Variants in ADAMTS9 observed in about 807,000 individuals in gnomAD.
The protein encoded by ADAMTS9 is ADAM metallopeptidase with thrombospondin type 1 motif 9.
Under a neutral mutation model 257.1 loss-of-function variants are expected in ADAMTS9, and 107 were observed. The observed-to-expected ratio is 0.42, with a 90% confidence interval of 0.36 to 0.49. The LOEUF (loss-of-function observed/expected upper bound fraction) is 0.49, where lower values mean the gene tolerates loss of function less well. ADAMTS9 is among the 20% of genes least tolerant of loss of function. The pLI is 0.03. For missense variants in ADAMTS9, 2,353 were observed against 2,469.1 expected, an observed-to-expected ratio of 0.95 and a Z score of 1.00; for synonymous variants, 982 against 880.9, an observed-to-expected ratio of 1.11 and a Z score of -2.03.
intron 3 of ADAMTS9, among the ~76,000 whole-genome samples, chr3:64,665,357 C>A (rs1701327966): frequency 6.6e-6 from 1 of 152,092 alleles, no homozygotes; most frequent in South Asian, 2.1e-4. Flanking sequence ...TCCTATTTGA[C>A]CTTGGGCAAA....
In ADAMTS9 at chr3:64,621,158, C is replaced by A; in HGVS notation, c.2769G>T (p.Gln923His). 1 of 1,613,888 alleles carries A rather than the reference C, an allele frequency of 6.2e-7. No individual in the cohort carries two copies. Among genetic ancestry groups the A allele is most frequent in the African/African-American group, 1.3e-5 (1 of 75,042 alleles). The change falls in exon 19 of 40, where the codon CAG becomes CAT. Residue 923 changes from glutamine (Q) to histidine (H), a missense_variant. Gln to His is a conservative substitution (Grantham distance 24). Transcript: ENST00000498707. ...VSDQRCDRLP[Q>H]PGHITEPCGT... ...CACAGGGTTCAGTAATGTGTCCAGG[C>A]TGGGGCAGCCGATCGCATCTTTGAT...
At chr3:64,642,064 A>G (rs1311870960) in intron 11 of ADAMTS9, 71 bp from the exon 12 acceptor site, 12 of 1,535,972 alleles carry the variant, frequency 7.8e-6, no homozygotes, top group Non-Finnish European at 1.1e-5. Context: ...CTGTCCTTTT[A>G]AACACACCAT....
intron 28 of ADAMTS9, among the ~76,000 whole-genome samples, chr3:64,576,428 T>C (rs2083849053): frequency 6.6e-6 from 1 of 152,136 alleles, no homozygotes; most frequent in South Asian, 2.1e-4. Flanking sequence ...ATGAACTCAC[T>C]CAGGGGAGGT....
chr3:64,625,517 G>A (rs1197226898), intron 16 of ADAMTS9, among the ~76,000 whole-genome samples: 4 of 152,108 alleles, frequency 2.6e-5, no homozygotes, highest in Non-Finnish European at 2.9e-5. Context: ...TCATAGACAT[G>A]GGAACCTCAC....
chr3:64,609,745 T>C (rs1486850330), intron 22 of ADAMTS9, among the ~76,000 whole-genome samples: 1 of 152,198 alleles, frequency 6.6e-6, no homozygotes, highest in Non-Finnish European at 1.5e-5. Context: ...CCAATCAAAA[T>C]CCTAATAGCA....
chr3:64,532,373 T>C (rs1351280830), intron 38 of ADAMTS9, among the ~76,000 whole-genome samples: 2 of 152,340 alleles, frequency 1.3e-5, no homozygotes, highest in African/African-American at 2.4e-5. Context: ...GTGTAATTGA[T>C]TGAATACTGT....
intron 3 of ADAMTS9, among the ~76,000 whole-genome samples, chr3:64,668,597 A>C (rs114788355): frequency 1.3e-5 from 2 of 152,300 alleles, no homozygotes; most frequent in African/African-American, 4.8e-5. Flanking sequence ...GGCAGTAGGG[A>C]AGGTGAAATG....
chr3:64,593,960 G>GTGTGTGTGT (rs1553707054), intron 28 of ADAMTS9, among the ~76,000 whole-genome samples: 1 of 69,320 alleles, frequency 1.4e-5, no homozygotes, highest in African/African-American at 5.0e-5. Context: ...GTGTGTGTAT[G>GTGTGTGTGT]ATGTGTGTGT....
chr3:64,630,277 G>A (rs1377765439), intron 16 of ADAMTS9, among the ~76,000 whole-genome samples: 1 of 152,180 alleles, frequency 6.6e-6, no homozygotes, highest in Non-Finnish European at 1.5e-5. Context: ...ATTACAGTGA[G>A]ACTGGGCTGG....
intron 16 of ADAMTS9, among the ~76,000 whole-genome samples, chr3:64,624,306 G>T (rs982800920): frequency 3.5e-5 from 5 of 141,172 alleles, no homozygotes; most frequent in Non-Finnish European, 7.7e-5. Context: ...AAGGAAGGAG[G>T]GAAGAAAAGA....
chr3:64,530,800 C>G (rs2082971523), intron 38 of ADAMTS9, among the ~76,000 whole-genome samples: 1 of 152,134 alleles, frequency 6.6e-6, no homozygotes, highest in South Asian at 2.1e-4. Flanking sequence ...AACAGAGCCT[C>G]ACTCTATCAC....
In ADAMTS9 at chr3:64,594,181, T is replaced by C; in HGVS notation, c.4356+77A>G. The C allele has an allele frequency of 2.8e-6, 4 of 1,446,742 alleles. No homozygotes were observed. The South Asian group carries it at 4.1e-5, about 15-fold the overall frequency. The allele number at this position is 1,446,742 out of a possible 1,614,324, so 89.6% of individuals were successfully genotyped here. A position where few individuals can be genotyped will look rare whatever the true frequency, so the allele number is the denominator to read the frequency against. On this transcript the variant is annotated intron_variant, in intron 28 of 39. Coordinates refer to ENST00000498707, the MANE Select transcript of ADAMTS9 (RefSeq NM_182920.2). ...GATGCCCTTGTAAGTGTGACAATTA[T>C]CTGCCACAGAGGAGTGCCCCAGAAT...
chr3:64,544,943 G>T (rs1303569521), intron 32 of ADAMTS9, among the ~76,000 whole-genome samples: 1 of 152,110 alleles, frequency 6.6e-6, no homozygotes, highest in Admixed American at 6.6e-5. Context: ...ATCAACAAGT[G>T]GGCGATGGAT....
chr3:64,541,867 T>A lies in ADAMTS9; in HGVS notation c.5168A>T (p.Glu1723Val), dbSNP rs1276513405. Residue 1723 changes from glutamate to valine, a missense_variant, in exon 33 of 40, where the codon GAA becomes GTA. Glu to Val is a moderately radical substitution (Grantham distance 121). Around this residue, in one of 3 missense-constraint regions of ADAMTS9, gnomAD observed 1,402 missense variants for 1,441.4 expected, o/e 0.97. Coordinates refer to ENST00000498707, the MANE Select transcript of ADAMTS9 (RefSeq NM_182920.2). ...HLCHTDLKPE[E>V]RKTCRNVYNC... ...ATAGACATTACGGCAGGTTTTTCGTTCTTCTGGCTTCAGATCAGTGTGGCA... is the reference window on the plus strand; with the variant it reads ...ATAGACATTACGGCAGGTTTTTCGTACTTCTGGCTTCAGATCAGTGTGGCA... 1.9e-6 allele frequency: 3 copies of A among 1,614,106 alleles called. No individual in the cohort carries two copies. The highest frequency in any genetic ancestry group is 2.5e-6 in the Non-Finnish European group (3 of 1,180,032).
rs562006210 is a variant in ADAMTS9 at position 64,642,058 on chromosome 3, C to T, written c.1711-65G>A. On this transcript the variant is annotated intron_variant, in intron 11 of 39. Coordinates refer to ENST00000498707, the MANE Select transcript of ADAMTS9 (RefSeq NM_182920.2). ...TGTGAGTTGTTACAGGACTGGCTGT[C>T]CTTTTAAACACACCATACTGTAATT... is the stretch of plus-strand genomic sequence containing the variant. 700 of 1,561,080 alleles carry T rather than the reference C, an allele frequency of 4.5e-4. 1 individual carries two copies. The highest frequency in any genetic ancestry group is 5.9e-4 in the Non-Finnish European group (667 of 1,137,690).
chr3:64,528,139 G>A (rs891886216), intron 38 of ADAMTS9, among the ~76,000 whole-genome samples: 2 of 152,126 alleles, frequency 1.3e-5, no homozygotes, highest in African/African-American at 4.8e-5. Flanking sequence ...GGCACACAAG[G>A]AAGACAAAAA....
At chr3:64,672,590 C>A (rs1275463713) in intron 3 of ADAMTS9, among the ~76,000 whole-genome samples, 1 of 152,074 alleles carries the variant, frequency 6.6e-6, no homozygotes, top group Non-Finnish European at 1.5e-5. Context: ...GGCTGAGGCA[C>A]AAGAATAGCT....
Position 64,541,403 on chromosome 3 carries a change from C to A in ADAMTS9, c.5304G>T (p.Ala1768=). The change falls in exon 35 of 40, where the codon GCG becomes GCT. Residue 1768 remains alanine, a synonymous_variant. Transcript: ENST00000498707. ...CTTTGGGGTGGTCAGAGTGCATCCCCGCACAGAATATCTGAAAGACCATAA... is the reference window on the plus strand; with the variant it reads ...CTTTGGGGTGGTCAGAGTGCATCCCAGCACAGAATATCTGAAAGACCATAA... ...IRGKLLKIFC[A]GMHSDHPKEY... The A allele has an allele frequency of 6.2e-7, 1 of 1,614,030 alleles. No homozygotes were observed. Among genetic ancestry groups the A allele is most frequent in the Non-Finnish European group, 8.5e-7 (1 of 1,179,952 alleles).
intron 3 of ADAMTS9, among the ~76,000 whole-genome samples, chr3:64,674,096 T>C (rs1186414302): frequency 6.6e-6 from 1 of 151,992 alleles, no homozygotes; most frequent in African/African-American, 2.4e-5. Context: ...ACTAAAGTTT[T>C]TTTTTAAAAA....
Sources: gnomAD v4.1 joint callset for allele counts (sites outside exome capture counted in the v4.1 genomes callset) on GRCh38, gnomAD v4.1.1 for gene constraint, gnomAD v4.1.1 regional missense constraint, MANE v1.5 for transcripts, NCBI Gene and HGNC (gene_info 2026-07-23, HGNC 2026-07-21) for gene names.